FSTL5: variants seen among roughly 807,000 people sequenced by gnomAD.
The protein encoded by FSTL5 is follistatin-related protein 5.
In FSTL5, 62 loss-of-function variants were observed where a neutral mutation model predicts 89.1. The observed-to-expected ratio is 0.70, with a 90% CI of 0.57 to 0.86. The LOEUF is 0.86. Ranked by LOEUF, FSTL5 falls within the 40% of genes least tolerant of loss-of-function variation. The pLI, the probability that FSTL5 is intolerant of heterozygous loss-of-function variation, is 0.00. For synonymous variants in FSTL5, 383 were observed against 346.2 expected (o/e 1.11, Z -1.18); for missense variants, 1,057 against 1,001.6 (o/e 1.06, Z -0.75).
intron 4 of FSTL5, among the ~76,000 whole-genome samples, chr4:161,899,515 G>T (rs1446426561): frequency 6.6e-6 from 1 of 152,178 alleles, no homozygotes; most frequent in African/African-American, 2.4e-5. Context: ...CAGTTCTTCT[G>T]CCAATCTTAG....
intron 6 of FSTL5, among the ~76,000 whole-genome samples, chr4:161,679,006 A>C (rs758672751): frequency 2.6e-4 from 39 of 151,718 alleles, no homozygotes; most frequent in Non-Finnish European, 5.3e-4. Flanking sequence ...TAGATATATT[A>C]AATTCTTTAT....
chr4:161,932,665 T>C (rs12504173), intron 3 of FSTL5, among the ~76,000 whole-genome samples: 14,376 of 152,012 alleles, frequency 0.095, 751 homozygotes, highest in East Asian at 0.2. Context: ...TTTTGAACTA[T>C]ATCACTTGGC....
chr4:161,573,037 A>AGAT (rs1186489686), intron 8 of FSTL5, among the ~76,000 whole-genome samples: 8 of 152,226 alleles, frequency 5.3e-5, no homozygotes, highest in Non-Finnish European at 7.3e-5. Context: ...AAGCCCTTAT[A>AGAT]GATGGTCAAA....
At chr4:161,899,276 C>T (rs527794177) in intron 4 of FSTL5, among the ~76,000 whole-genome samples, 1 of 152,118 alleles carries the variant, frequency 6.6e-6, no homozygotes, top group Admixed American at 6.5e-5. Context: ...GATGGTAGAG[C>T]TGATGCAGAG....
chr4:161,993,675 G>A (rs1039547386), intron 3 of FSTL5, among the ~76,000 whole-genome samples: 2 of 151,902 alleles, frequency 1.3e-5, no homozygotes, highest in African/African-American at 4.8e-5. Context: ...TTTTAAAAAC[G>A]TTGACTTTGA....
At chr4:161,855,211 G>C (rs1731685964) in intron 4 of FSTL5, among the ~76,000 whole-genome samples, 1 of 151,948 alleles carries the variant, frequency 6.6e-6, no homozygotes, top group Non-Finnish European at 1.5e-5. Context: ...GATTAGCAAA[G>C]TTTTATGCTC....
At chr4:161,531,713 T>C (rs995671240) in intron 10 of FSTL5, among the ~76,000 whole-genome samples, 11 of 151,912 alleles carry the variant, frequency 7.2e-5, no homozygotes, top group African/African-American at 2.4e-4. Flanking sequence ...ATCAGTGGAG[T>C]CCATGTTTTA....
chr4:161,841,108 A>T (rs536327784), intron 4 of FSTL5, among the ~76,000 whole-genome samples: 1 of 152,246 alleles, frequency 6.6e-6, no homozygotes, highest in Non-Finnish European at 1.5e-5. Flanking sequence ...TTCAGGCCTA[A>T]AATTGAGAAT....
At chr4:161,508,714 G>T (rs72683744) in intron 11 of FSTL5, among the ~76,000 whole-genome samples, 1 of 151,844 alleles carries the variant, frequency 6.6e-6, no homozygotes, top group South Asian at 2.1e-4. Flanking sequence ...TAATGTTCAC[G>T]GTGGTTACCA....
chr4:161,820,126 A>G (rs1730446859), intron 4 of FSTL5, among the ~76,000 whole-genome samples: 2 of 152,146 alleles, frequency 1.3e-5, no homozygotes, highest in Admixed American at 1.3e-4. Flanking sequence ...ATTCACCAGA[A>G]TTTTATTTTT....
At chr4:161,620,575 G>C (rs1451021299) in intron 7 of FSTL5, among the ~76,000 whole-genome samples, 6 of 152,146 alleles carry the variant, frequency 3.9e-5, no homozygotes, top group Non-Finnish European at 5.9e-5. Flanking sequence ...AGAATCGCTT[G>C]AACGCGAAGG....
intron 8 of FSTL5, among the ~76,000 whole-genome samples, chr4:161,581,110 A>G (rs1051258355): frequency 2.0e-5 from 3 of 152,210 alleles, no homozygotes; most frequent in Admixed American, 6.5e-5. Flanking sequence ...TGAAGAAGGG[A>G]AACATATTCC....
intron 2 of FSTL5, among the ~76,000 whole-genome samples, chr4:162,058,877 T>C (rs772534475): frequency 4.6e-5 from 7 of 152,116 alleles, no homozygotes; most frequent in African/African-American, 1.7e-4. Context: ...GGAAAAAAAT[T>C]AATGAACTAA....
At chr4:161,784,979 G>T (rs1405048912) in intron 4 of FSTL5, among the ~76,000 whole-genome samples, 1 of 151,120 alleles carries the variant, frequency 6.6e-6, no homozygotes, top group Non-Finnish European at 1.5e-5. Context: ...TTTTTAACCC[G>T]ATACTTACAC....
intron 4 of FSTL5, among the ~76,000 whole-genome samples, chr4:161,841,821 C>A (rs1360916851): frequency 6.6e-6 from 1 of 152,098 alleles, no homozygotes; most frequent in African/African-American, 2.4e-5. Context: ...CTAGTTGGCT[C>A]TTTAATAACT....
At chr4:161,864,213 C>T (rs931226269) in intron 4 of FSTL5, among the ~76,000 whole-genome samples, 1 of 152,134 alleles carries the variant, frequency 6.6e-6, no homozygotes, top group African/African-American at 2.4e-5. Context: ...AAGGAAGTAA[C>T]GTAACACATT....
At chr4:161,592,368 T>C (rs899083417) in intron 7 of FSTL5, among the ~76,000 whole-genome samples, 1 of 152,100 alleles carries the variant, frequency 6.6e-6, no homozygotes, top group South Asian at 2.1e-4. Context: ...GGTGGTTTGC[T>C]GCACCCATCA....
intron 5 of FSTL5, 108 bp downstream of exon 5, chr4:161,775,770 A>G (rs1055560209): frequency 6.4e-5 from 36 of 560,366 alleles, no homozygotes; most frequent in Non-Finnish European, 1.0e-4. Flanking sequence ...ACTTTTCAAT[A>G]ATATGGATCA....
intron 6 of FSTL5, among the ~76,000 whole-genome samples, chr4:161,718,837 C>G (rs1054476231): frequency 1.3e-5 from 2 of 152,122 alleles, no homozygotes; most frequent in Non-Finnish European, 2.9e-5. Flanking sequence ...ACCACAGCAA[C>G]TATACTGAAC....
Sources: gnomAD v4.1 joint callset for allele counts (sites outside exome capture counted in the v4.1 genomes callset) on GRCh38, gnomAD v4.1.1 for gene constraint, MANE v1.5 for transcripts, NCBI Gene and HGNC (gene_info 2026-07-23, HGNC 2026-07-21) for gene names.